PCDHGA2: variants seen among roughly 807,000 people sequenced by gnomAD.
The protein encoded by PCDHGA2 is protocadherin gamma subfamily A, 2.
Under a neutral mutation model 59.2 loss-of-function variants are expected in PCDHGA2, and 40 were observed. The ratio of observed to expected loss-of-function variants is 0.68; its 90% CI spans 0.52 to 0.88. The LOEUF (loss-of-function observed/expected upper bound fraction) is 0.88. Among genes scored for constraint, PCDHGA2 ranks in the 40% least tolerant of loss-of-function variants. PCDHGA2 has a pLI of 0.00. For missense variants in PCDHGA2, 1,226 were observed against 1,204.0 expected (o/e 1.02, Z -0.27); for synonymous variants, 560 against 526.0 (o/e 1.06, Z -0.89).
rs2099745754 is a variant in PCDHGA2 at position 141,493,023 on chromosome 5, T to A, written c.2425-1784T>A. Among the ~76,000 whole-genome samples the A allele has an allele frequency of 6.6e-6, 1 of 152,190 alleles. No individual in the cohort carries two copies. The highest frequency in any genetic ancestry group is 2.4e-5 in the African/African-American group (1 of 41,450). On this transcript the variant is annotated intron_variant, in intron 1 of 3. Coordinates refer to ENST00000394576, the MANE Select transcript of PCDHGA2 (RefSeq NM_018915.4). The surrounding 1 kb of genome is among the most constrained non-coding windows in gnomAD (Gnocchi z 4.3). ...CTATAGGCTCTGCCAGATGCCAGGGTGCCCTTATGTGTGAGGAAACTACAA... is the reference window on the plus strand; with the variant it reads ...CTATAGGCTCTGCCAGATGCCAGGGAGCCCTTATGTGTGAGGAAACTACAA...
intron 1 of PCDHGA2, chr5:141,422,834 G>A (rs1450583869): frequency 3.1e-6 from 5 of 1,614,230 alleles, no homozygotes; most frequent in East Asian, 2.2e-5. Context: ...GTGATAGCAC[G>A]TGACAGCGGG....
Position 141,346,367 on chromosome 5 carries a change from G to A in PCDHGA2, c.2424+4972G>A, listed in dbSNP as rs757139743. ...TCCCCCAGCCCAACTATGCGGACAC[G>A]CTCATCAGCCAGGAGAGCTGTGAGA... is the stretch of plus-strand genomic sequence containing the variant. On this transcript the variant is annotated intron_variant, in intron 1 of 3. Coordinates refer to ENST00000394576, the MANE Select transcript of PCDHGA2 (RefSeq NM_018915.4). 119 of 1,614,092 alleles carry A rather than the reference G, an allele frequency of 7.4e-5. 1 individual carries two copies. Among genetic ancestry groups the A allele is most frequent in the Admixed American group, 1.8e-4 (11 of 60,006 alleles).
At chr5:141,451,468 C>G (rs2098716484) in intron 1 of PCDHGA2, among the ~76,000 whole-genome samples, 1 of 152,202 alleles carries the variant, frequency 6.6e-6, no homozygotes, top group South Asian at 2.1e-4. Context: ...AGGTCTACCT[C>G]AGTTCCTTGC....
In PCDHGA2 at chr5:141,486,070, T is replaced by G; in HGVS notation, c.2425-8737T>G. The G allele has an allele frequency of 6.2e-7, 1 of 1,614,158 alleles. No individual in the cohort carries two copies. Among genetic ancestry groups the G allele is most frequent in the Non-Finnish European group, 8.5e-7 (1 of 1,180,010 alleles). On this transcript the variant is annotated intron_variant, in intron 1 of 3. Coordinates refer to ENST00000394576, the MANE Select transcript of PCDHGA2 (RefSeq NM_018915.4). This position sits in a 1 kb window ranked among gnomAD's most constrained non-coding sequence, Gnocchi z 5.0. ...ACCTCTTTAGCCTGCACCCCACTAC[T>G]GGAAAGCTTACTCTTTTGGGGCCCC...
chr5:141,444,376 G>A (rs977995642), intron 1 of PCDHGA2, among the ~76,000 whole-genome samples: 1 of 151,796 alleles, frequency 6.6e-6, no homozygotes, highest in Non-Finnish European at 1.5e-5. Flanking sequence ...TCTCCATGTT[G>A]GTCAGGCTAG....
rs758099753 is a variant in PCDHGA2, at chr5:141,432,129, A to G, written c.2425-62678A>G. The G allele has an allele frequency of 5.6e-6, 9 of 1,614,054 alleles. No homozygotes were observed. The highest frequency in any genetic ancestry group is 5.5e-5 in the South Asian group (5 of 91,056). On this transcript the variant is annotated intron_variant, in intron 1 of 3. Transcript: ENST00000394576. The surrounding 1 kb of genome is among the most constrained non-coding windows in gnomAD (Gnocchi z 6.0). Reference sequence around the variant, plus strand: ...CCGCCGGTCTTCCCTCAGGCCTCCTATTCCGCTTATATCCCAGAGAACAAT... The same window carrying G: ...CCGCCGGTCTTCCCTCAGGCCTCCTGTTCCGCTTATATCCCAGAGAACAAT...
chr5:141,355,626 T>G, intron 1 of PCDHGA2: 1 of 1,614,004 alleles, frequency 6.2e-7, no homozygotes, highest in East Asian at 2.2e-5. Flanking sequence ...AAATAAAAGT[T>G]GCTGAAAATG....
At chr5:141,370,428 G>A in intron 1 of PCDHGA2, 1 of 1,598,310 alleles carries the variant, frequency 6.3e-7, no homozygotes, top group Non-Finnish European at 8.5e-7. Context: ...GGGCCCAGCA[G>A]GGCAGAGGCG....
At chr5:141,356,765 A>G (rs1019076807) in intron 1 of PCDHGA2, 3 of 1,613,966 alleles carry the variant, frequency 1.9e-6, no homozygotes, top group South Asian at 2.2e-5. Context: ...TCCTTCGACT[A>G]TGAGCAGTTT....
intron 1 of PCDHGA2, chr5:141,372,274 G>A (rs767978142): frequency 6.2e-7 from 1 of 1,613,078 alleles, no homozygotes; most frequent in East Asian, 2.2e-5. Flanking sequence ...GGTGAGGTGC[G>A]CACGGCGCGT....
chr5:141,482,102 A>T (rs1016315214), intron 1 of PCDHGA2, among the ~76,000 whole-genome samples: 13 of 151,860 alleles, frequency 8.6e-5, no homozygotes, highest in African/African-American at 2.7e-4. Context: ...AAAAAAAAAA[A>T]AAATATCTAG....
chr5:141,451,716 T>C (rs947058540), intron 1 of PCDHGA2, among the ~76,000 whole-genome samples: 1 of 152,092 alleles, frequency 6.6e-6, no homozygotes, highest in Non-Finnish European at 1.5e-5. Context: ...ACCCTGCCTC[T>C]ACTAAAAATA....
chr5:141,433,437 T>C (rs1422634356), intron 1 of PCDHGA2, among the ~76,000 whole-genome samples: 2 of 152,076 alleles, frequency 1.3e-5, no homozygotes, highest in Admixed American at 1.3e-4. Flanking sequence ...AGTCTCACTA[T>C]GTTGAGCAGG....
chr5:141,447,428 G>A (rs542079336), intron 1 of PCDHGA2, among the ~76,000 whole-genome samples: 4 of 152,182 alleles, frequency 2.6e-5, no homozygotes, highest in East Asian at 1.9e-4. Flanking sequence ...GTGAGCCACC[G>A]CACCCGGAGG....
At position 141,379,889 on chromosome 5, in the gene PCDHGA2, C is replaced by CTTTTTTTTTTTTTTTTTT. The variant is rs70988800; in HGVS notation, c.2424+38507_2424+38524dup. On this transcript the variant is annotated intron_variant, in intron 1 of 3. Coordinates refer to ENST00000394576, the MANE Select transcript of PCDHGA2 (RefSeq NM_018915.4). ...CTTATTTTATGGTCTGTGAAAGCCT[C>CTTTTTTTTTTTTTTTTTT]TTTTTTTTTTTTTTTTTTTTTTTTT... is the stretch of plus-strand genomic sequence containing the variant. Among the ~76,000 whole-genome samples the CTTTTTTTTTTTTTTTTTT allele has an allele frequency of 4.1e-3, 211 of 50,852 alleles. 27 individuals are homozygous for CTTTTTTTTTTTTTTTTTT. The highest frequency in any genetic ancestry group is 6.1e-3 in the Non-Finnish European group (157 of 25,898). 33.4% of individuals were successfully genotyped at this position (50,852 alleles called of 152,430 possible). A position where few individuals can be genotyped will look rare whatever the true frequency, so the allele number is the denominator to read the frequency against.
intron 1 of PCDHGA2, among the ~76,000 whole-genome samples, chr5:141,434,345 G>C (rs1254991411): frequency 1.3e-5 from 2 of 152,144 alleles, no homozygotes; most frequent in African/African-American, 4.8e-5. Flanking sequence ...GTCGGGAACA[G>C]GCCCCCCAAA....
intron 1 of PCDHGA2, chr5:141,355,724 A>C (rs749817952): frequency 6.2e-7 from 1 of 1,613,970 alleles, no homozygotes; most frequent in Non-Finnish European, 8.5e-7. Context: ...CTCAACTCAA[A>C]CGGTTACTTT....
chr5:141,376,447 C>T (rs777597745), intron 1 of PCDHGA2: 83 of 1,614,064 alleles, frequency 5.1e-5, no homozygotes, highest in Admixed American at 1.3e-4. Context: ...ATGAGAAAAG[C>T]GAGCCTCTTC....
Position 141,511,313 on chromosome 5 carries a change from C to T in PCDHGA2, c.*140C>T. ...CCAAGGCCATGCTCCCCTTGGGAAA[C>T]AGAAACAAGTGCCCAGTCAGCACCT... On this transcript the variant is annotated 3_prime_UTR_variant, in exon 4 of 4. Transcript: ENST00000394576. 2 of 1,482,944 alleles carry T rather than the reference C, an allele frequency of 1.3e-6. No homozygotes were observed. The highest frequency in any genetic ancestry group is 2.3e-5 in the Admixed American group (1 of 43,596). 91.9% of individuals were successfully genotyped at this position (1,482,944 alleles called of 1,614,324 possible).
Sources: gnomAD v4.1 joint callset for allele counts (sites outside exome capture counted in the v4.1 genomes callset) on GRCh38, gnomAD v4.1.1 for gene constraint, Gnocchi (gnomAD v3.1) non-coding constraint, MANE v1.5 for transcripts, NCBI Gene and HGNC (gene_info 2026-07-23, HGNC 2026-07-21) for gene names.